Variants in JAKMIP1 observed in about 807,000 individuals in gnomAD.
JAKMIP1 encodes the protein janus kinase and microtubule interacting protein 1, also known as janus kinase and microtubule-interacting protein 1.
In JAKMIP1, 33 loss-of-function variants were observed where a neutral mutation model predicts 113.0. The observed-to-expected ratio is 0.29, with a 90% confidence interval of 0.22 to 0.39. The LOEUF is 0.39. Among genes scored for constraint, JAKMIP1 ranks in the 10% least tolerant of loss-of-function variants. The probability of loss-of-function intolerance (pLI) is 1.00; values close to 1 mark genes in which losing one functional copy is unlikely to be tolerated. For synonymous variants in JAKMIP1, 480 were observed against 459.9 expected (o/e 1.04, Z -0.56); for missense variants, 813 against 1,080.5 (o/e 0.75, Z 3.47).
Position 6,106,032 on chromosome 4 carries a change from C to A in JAKMIP1, c.130-65G>T. 8.6e-7 allele frequency: 1 copy of A among 1,166,406 alleles called. No homozygotes were observed. Among genetic ancestry groups the A allele is most frequent in the Non-Finnish European group, 1.2e-6 (1 of 831,400 alleles). 72.3% of individuals were successfully genotyped at this position (1,166,406 alleles called of 1,614,324 possible). ...TCAGGGTCAGGGTCAGGGTCAGGGT[C>A]ACAGCTGGGGGAGCTGGCCACAGCC... On this transcript the variant is annotated intron_variant, in intron 2 of 20. Transcript: ENST00000409021. The surrounding 1 kb of genome is among the most constrained non-coding windows in gnomAD (Gnocchi z 5.9).
rs532306853 is a variant in JAKMIP1 at position 6,186,930 on chromosome 4, G to A, written c.-148+13323C>T. Among the ~76,000 whole-genome samples the A allele has an allele frequency of 3.3e-5, 5 of 152,284 alleles. No individual in the cohort carries two copies. The South Asian group carries it at 1.0e-3, about 32-fold the overall frequency. On this transcript the variant is annotated intron_variant, in intron 1 of 20. Coordinates refer to ENST00000409021, the MANE Select transcript of JAKMIP1 (RefSeq NM_001099433.2). The surrounding 1 kb of genome is among the most constrained non-coding windows in gnomAD (Gnocchi z 5.5). ...GCAGCCTCAACCTCCCCAGGCTCAG[G>A]TGATCCTCTCACCTCAGCCTCCTAA... is the stretch of plus-strand genomic sequence containing the variant.
At position 6,184,114 on chromosome 4, in the gene JAKMIP1, A is replaced by G. The variant is rs993070341; in HGVS notation, c.-148+16139T>C. On this transcript the variant is annotated intron_variant, in intron 1 of 20. Coordinates refer to ENST00000409021, the MANE Select transcript of JAKMIP1 (RefSeq NM_001099433.2). The surrounding 1 kb of genome is among the most constrained non-coding windows in gnomAD (Gnocchi z 4.5). ...ATAAACCATCACTTCTCTGTTTTGT[A>G]TATTGGAGCAGGGTGGTTTAGCTAT... 2.6e-5 allele frequency among the ~76,000 whole-genome samples: 4 copies of G among 152,242 alleles called. No homozygotes were observed. The highest frequency in any genetic ancestry group is 9.6e-5 in the African/African-American group (4 of 41,466).
Position 6,142,942 on chromosome 4 carries a change from G to A in JAKMIP1, c.-147-29945C>T, listed in dbSNP as rs188328751. On this transcript the variant is annotated intron_variant, in intron 1 of 20. Coordinates refer to ENST00000409021, the MANE Select transcript of JAKMIP1 (RefSeq NM_001099433.2). The surrounding 1 kb of genome is among the most constrained non-coding windows in gnomAD (Gnocchi z 5.5). Reference sequence around the variant, plus strand: ...GGCCCCTCAGTCCAGCACTGTGTGTGTGTGTGTTTGTGGCCTCTCATCTCT... The same window carrying A: ...GGCCCCTCAGTCCAGCACTGTGTGTATGTGTGTTTGTGGCCTCTCATCTCT... Among the ~76,000 whole-genome samples, 27 of 152,322 alleles carry A rather than the reference G, an allele frequency of 1.8e-4. No individual in the cohort carries two copies. In the East Asian group the frequency reaches 5.0e-3, roughly 28 times the overall value.
At chr4:6,095,982 C>T (rs1407262230) in intron 3 of JAKMIP1, among the ~76,000 whole-genome samples, 2 of 152,332 alleles carry the variant, frequency 1.3e-5, no homozygotes, top group East Asian at 1.9e-4. Context: ...AACTGAGTGA[C>T]TCGGGGCTGG....
At chr4:6,118,255 G>A (rs935671554) in intron 1 of JAKMIP1, among the ~76,000 whole-genome samples, 3 of 152,194 alleles carry the variant, frequency 2.0e-5, no homozygotes, top group South Asian at 2.1e-4. Context: ...CGGTCCCTCC[G>A]TTTGGGGTCC....
intron 19 of JAKMIP1, among the ~76,000 whole-genome samples, chr4:6,030,689 A>G (rs974708058): frequency 6.6e-6 from 1 of 152,196 alleles, no homozygotes; most frequent in Admixed American, 6.5e-5. Context: ...CAATGCTGGG[A>G]GGCGGAAGGG....
At chr4:6,102,298 G>A (rs746271931) in intron 3 of JAKMIP1, among the ~76,000 whole-genome samples, 9 of 152,300 alleles carry the variant, frequency 5.9e-5, no homozygotes, top group South Asian at 2.1e-4. Context: ...TGTTCTGAAT[G>A]TGTCTCACAA....
chr4:6,105,456 G>A lies in JAKMIP1; in HGVS notation c.624+17C>T, dbSNP rs781374251. 3.0e-5 allele frequency: 47 copies of A among 1,571,452 alleles called. No individual in the cohort carries two copies. In the South Asian group the frequency reaches 5.4e-4, roughly 18 times the overall value. On this transcript the variant is annotated intron_variant, in intron 3 of 20. Transcript: ENST00000409021. The stretch of plus-strand genomic sequence containing the variant: ...GAAGGCCGCGTGCCCGCGGGCGGGG[G>A]AGGGGGCGGCACGTACCAGCCTGCG...
In JAKMIP1 at chr4:6,180,585, GT is replaced by G. The variant is rs1725905947; in HGVS notation, c.-148+19667del. ...TCACCATTTATATAGCTCTCACTGT[GT>G]AGCAGGAACTGTTTCAAACTGTCCA... On this transcript the variant is annotated intron_variant, in intron 1 of 20. Coordinates refer to ENST00000409021, the MANE Select transcript of JAKMIP1 (RefSeq NM_001099433.2). The surrounding 1 kb of genome is among the most constrained non-coding windows in gnomAD (Gnocchi z 4.5). Among the ~76,000 whole-genome samples the G allele has an allele frequency of 6.6e-6, 1 of 152,160 alleles. No homozygotes were observed. The highest frequency in any genetic ancestry group is 6.5e-5 in the Admixed American group (1 of 15,274).
chr4:6,134,425 C>T (rs552733697), intron 1 of JAKMIP1, among the ~76,000 whole-genome samples: 1 of 152,312 alleles, frequency 6.6e-6, no homozygotes, highest in South Asian at 2.1e-4. Flanking sequence ...GACTGATGCT[C>T]TCTTCTTGAA....
chr4:6,122,608 C>A (rs1328027439), intron 1 of JAKMIP1, among the ~76,000 whole-genome samples: 1 of 152,204 alleles, frequency 6.6e-6, no homozygotes, highest in Admixed American at 6.5e-5. Context: ...GAGGGAGCAG[C>A]TGCTGACCTG....
In JAKMIP1 at chr4:6,192,136, T is replaced by C. The variant is rs1328336751; in HGVS notation, c.-148+8117A>G. Among the ~76,000 whole-genome samples, 1 of 152,120 alleles carries C rather than the reference T, an allele frequency of 6.6e-6. No homozygotes were observed. The highest frequency in any genetic ancestry group is 1.5e-5 in the Non-Finnish European group (1 of 68,016). On this transcript the variant is annotated intron_variant, in intron 1 of 20. Coordinates refer to ENST00000409021, the MANE Select transcript of JAKMIP1 (RefSeq NM_001099433.2). This position sits in a 1 kb window ranked among gnomAD's most constrained non-coding sequence, Gnocchi z 5.0. ...TCAGTAGAGATGGGGTTTCACCATG[T>C]TGGCCAGGCTGGTCTTGAACTCCTG... is the stretch of plus-strand genomic sequence containing the variant.
At chr4:6,172,029 T>C (rs998795695) in intron 1 of JAKMIP1, among the ~76,000 whole-genome samples, 2 of 152,206 alleles carry the variant, frequency 1.3e-5, no homozygotes, top group Non-Finnish European at 2.9e-5. Flanking sequence ...ACGTGATACC[T>C]GATTGTTGTT....
rs1716981772 is a variant in JAKMIP1, at chr4:6,059,615, C to A, written c.1644+809G>T. On this transcript the variant is annotated intron_variant, in intron 11 of 20. Coordinates refer to ENST00000409021, the MANE Select transcript of JAKMIP1 (RefSeq NM_001099433.2). This position sits in a 1 kb window ranked among gnomAD's most constrained non-coding sequence, Gnocchi z 4.8. ...TGACTGATGAATTTTGCTGAGGCAG[C>A]AAACAGCCAAGCAGAGGAAAAGTTC... 6.6e-6 allele frequency among the ~76,000 whole-genome samples: 1 copy of A among 152,048 alleles called. No individual in the cohort carries two copies. The highest frequency in any genetic ancestry group is 1.5e-5 in the Non-Finnish European group (1 of 68,026).
rs1210254417 is a variant in JAKMIP1, at chr4:6,158,943, G to A, written c.-148+41310C>T. 6.6e-6 allele frequency among the ~76,000 whole-genome samples: 1 copy of A among 152,016 alleles called. No homozygotes were observed. Among genetic ancestry groups the A allele is most frequent in the African/African-American group, 2.4e-5 (1 of 41,376 alleles). On this transcript the variant is annotated intron_variant, in intron 1 of 20. Transcript: ENST00000409021. This position sits in a 1 kb window ranked among gnomAD's most constrained non-coding sequence, Gnocchi z 5.3. ...ATCTCTACAAAAAATACAAAAATTA[G>A]CGGGGCATAGTGGCATGCACCTATA...
Position 6,053,486 on chromosome 4 carries a change from T to G in JAKMIP1, c.1806+564A>C, listed in dbSNP as rs574577696. Among the ~76,000 whole-genome samples, 8 of 152,346 alleles carry G rather than the reference T, an allele frequency of 5.3e-5. No homozygotes were observed. In the East Asian group the frequency reaches 1.5e-3, roughly 29 times the overall value. ...CTTAAACGCCTATGCAAATACATCC[T>G]TCTACCCTGTCTTTACTTACCTTGT... On this transcript the variant is annotated intron_variant, in intron 13 of 20. Transcript: ENST00000409021.
At chr4:6,132,407 C>T (rs1237649847) in intron 1 of JAKMIP1, among the ~76,000 whole-genome samples, 2 of 152,150 alleles carry the variant, frequency 1.3e-5, no homozygotes, top group Admixed American at 6.5e-5. Context: ...TTTGGGAGGC[C>T]GAGGCGGGCA....
intron 19 of JAKMIP1, among the ~76,000 whole-genome samples, chr4:6,033,676 C>G (rs1713030721): frequency 6.6e-6 from 1 of 152,192 alleles, no homozygotes; most frequent in African/African-American, 2.4e-5. Context: ...ACCCGAGAGC[C>G]TATGGCTCCT....
rs534006372 is a variant in JAKMIP1 at position 6,160,631 on chromosome 4, T to A, written c.-148+39622A>T. 5.9e-5 allele frequency among the ~76,000 whole-genome samples: 9 copies of A among 152,030 alleles called. No individual in the cohort carries two copies. The East Asian group carries it at 1.7e-3, about 29-fold the overall frequency. On this transcript the variant is annotated intron_variant, in intron 1 of 20. Coordinates refer to ENST00000409021, the MANE Select transcript of JAKMIP1 (RefSeq NM_001099433.2). ...CCTCCAGGACCCCTCATCATCAGAC[T>A]CTCAACACGCTTGCTCATCCCCATT...
Sources: allele counts gnomAD v4.1 joint callset (sites outside exome capture counted in the v4.1 genomes callset), GRCh38; gene constraint gnomAD v4.1.1; non-coding constraint Gnocchi (gnomAD v3.1); transcripts MANE v1.5; gene names NCBI Gene and HGNC (gene_info 2026-07-23, HGNC 2026-07-21).